The following CELF4 variants were observed in gnomAD, a reference collection of about 807,000 sequenced individuals.
CELF4 encodes the protein CUGBP Elav-like family member 4, also known as CUG-BP- and ETR-3-like factor 4.
Under a neutral mutation model 59.9 loss-of-function variants are expected in CELF4, and 18 were observed. The ratio of observed to expected loss-of-function variants is 0.30; its 90% CI spans 0.21 to 0.45. The LOEUF (loss-of-function observed/expected upper bound fraction) is 0.45. Among genes scored for constraint, CELF4 ranks in the 20% least tolerant of loss-of-function variants. CELF4 has a pLI of 1.00. For missense variants in CELF4, 456 were observed against 689.0 expected, an observed-to-expected ratio of 0.66 and a Z score of 3.79; for synonymous variants, 261 against 267.1, an observed-to-expected ratio of 0.98 and a Z score of 0.22.
chr18:37,532,572 CAGATT>C lies in CELF4; in HGVS notation c.286+32779_286+32783del, dbSNP rs762000571. Among the ~76,000 whole-genome samples the C allele has an allele frequency of 2.0e-5, 3 of 151,398 alleles. No homozygotes were observed. In the East Asian group the frequency reaches 5.9e-4, roughly 30 times the overall value. ...TATGCTTTCAGGCACCTGAGAGAAA[CAGATT>C]AGAACACTTGGGTGAGGGATTTGAC... On this transcript the variant is annotated intron_variant, in intron 1 of 12. Transcript: ENST00000420428.
intron 1 of CELF4, among the ~76,000 whole-genome samples, chr18:37,523,407 T>A (rs2099959876): frequency 6.6e-6 from 1 of 152,196 alleles, no homozygotes. Context: ...AGAAGTTCCA[T>A]CTTTCAGCAC....
intron 2 of CELF4, among the ~76,000 whole-genome samples, chr18:37,446,336 G>C (rs1395940611): frequency 6.6e-6 from 1 of 152,188 alleles, no homozygotes; most frequent in Non-Finnish European, 1.5e-5. Context: ...CCCCAGCCTG[G>C]AGGGGTCGAG....
chr18:37,308,383 C>T (rs761294101), intron 3 of CELF4, among the ~76,000 whole-genome samples: 12 of 152,216 alleles, frequency 7.9e-5, no homozygotes, highest in Middle Eastern at 3.2e-3. Context: ...GTCTCAGCAG[C>T]TTTTCAGCCT....
At chr18:37,335,583 C>T (rs368984642) in intron 2 of CELF4, among the ~76,000 whole-genome samples, 2 of 151,226 alleles carry the variant, frequency 1.3e-5, no homozygotes, top group Non-Finnish European at 2.9e-5. Context: ...GGAGTGTGGT[C>T]AGGCGTGGCC....
At chr18:37,354,814 C>T (rs531710584) in intron 2 of CELF4, among the ~76,000 whole-genome samples, 3 of 152,214 alleles carry the variant, frequency 2.0e-5, no homozygotes, top group Non-Finnish European at 4.4e-5. Flanking sequence ...AACCTGTTTG[C>T]AAAAGTTCTA....
chr18:37,428,752 G>GC (rs1233351584), intron 2 of CELF4, among the ~76,000 whole-genome samples: 1 of 152,166 alleles, frequency 6.6e-6, no homozygotes, highest in Non-Finnish European at 1.5e-5. Context: ...CTGAAGTAGG[G>GC]CCCCCATGTG....
At chr18:37,378,648 G>A (rs2099000205) in intron 2 of CELF4, among the ~76,000 whole-genome samples, 1 of 152,174 alleles carries the variant, frequency 6.6e-6, no homozygotes, top group Non-Finnish European at 1.5e-5. Flanking sequence ...AAATTAAAGG[G>A]AAAGAGCACT....
chr18:37,268,824 C>A (rs1022201577), intron 8 of CELF4, among the ~76,000 whole-genome samples: 6 of 152,196 alleles, frequency 3.9e-5, no homozygotes, highest in Non-Finnish European at 8.8e-5. Flanking sequence ...TACAGCGGGT[C>A]CAAACTCCGC....
chr18:37,361,601 G>C (rs1186412032), intron 2 of CELF4, among the ~76,000 whole-genome samples: 3 of 152,200 alleles, frequency 2.0e-5, no homozygotes, highest in African/African-American at 7.2e-5. Context: ...CAGCTCCAGG[G>C]TGTGGCCTGG....
chr18:37,405,092 A>ACC (rs113930814), intron 2 of CELF4, among the ~76,000 whole-genome samples: 2,821 of 150,898 alleles, frequency 0.019, 90 homozygotes, highest in African/African-American at 0.065. Flanking sequence ...GCAGGCCCCA[A>ACC]CCCCCCCCGT....
chr18:37,251,696 C>T (rs2065611818), intron 12 of CELF4, among the ~76,000 whole-genome samples: 1 of 152,174 alleles, frequency 6.6e-6, no homozygotes, highest in African/African-American at 2.4e-5. Context: ...ACAGAAAAAG[C>T]TGCTTTCACG....
At chr18:37,389,066 C>T (rs1251612075) in intron 2 of CELF4, among the ~76,000 whole-genome samples, 1 of 152,108 alleles carries the variant, frequency 6.6e-6, no homozygotes, top group East Asian at 1.9e-4. Flanking sequence ...ACCCCAAGTT[C>T]CTGATGGTTG....
intron 3 of CELF4, among the ~76,000 whole-genome samples, chr18:37,282,080 G>A (rs922228451): frequency 3.3e-5 from 5 of 152,168 alleles, no homozygotes; most frequent in Admixed American, 6.5e-5. Context: ...AGGCAGGTCT[G>A]GAATTAAATG....
rs367719067 is a variant in CELF4 at position 37,451,618 on chromosome 18, G to C, written c.369+33907C>G. Among the ~76,000 whole-genome samples the C allele has an allele frequency of 4.6e-5, 7 of 152,230 alleles. No homozygotes were observed. In the South Asian group the frequency reaches 1.5e-3, roughly 32 times the overall value. ...TCCACAGGACCCTCTGCTGGCATCC[G>C]AGCTGGGCCACACAGTAGCTAGCGC... On this transcript the variant is annotated intron_variant, in intron 2 of 12. Transcript: ENST00000420428.
chr18:37,544,467 T>C (rs2099979976), intron 1 of CELF4, among the ~76,000 whole-genome samples: 1 of 151,910 alleles, frequency 6.6e-6, no homozygotes, highest in Admixed American at 6.6e-5. Flanking sequence ...TGGGAAGCTG[T>C]GTGAGGTGCT....
intron 2 of CELF4, among the ~76,000 whole-genome samples, chr18:37,371,195 G>T (rs994239618): frequency 1.3e-5 from 2 of 152,226 alleles, no homozygotes; most frequent in South Asian, 4.2e-4. Context: ...GCCATCTAAG[G>T]GATGCACCAT....
At chr18:37,321,753 G>A (rs370717777) in intron 3 of CELF4, 50 bp downstream of exon 3, 15 of 1,334,976 alleles carry the variant, frequency 1.1e-5, no homozygotes, top group Non-Finnish European at 1.5e-5. Flanking sequence ...GGGAAAAGGA[G>A]GGAGGAGTGA....
At chr18:37,502,946 T>C (rs528686036) in intron 1 of CELF4, among the ~76,000 whole-genome samples, 5 of 152,306 alleles carry the variant, frequency 3.3e-5, no homozygotes, top group African/African-American at 1.2e-4. Flanking sequence ...GCCTTTGCAT[T>C]AGCTGCCCAA....
chr18:37,539,690 A>C (rs1351050651), intron 1 of CELF4, among the ~76,000 whole-genome samples: 1 of 152,206 alleles, frequency 6.6e-6, no homozygotes, highest in South Asian at 2.1e-4. Context: ...AAAATGTGCT[A>C]TGTAGACAGC....
Sources: allele counts gnomAD v4.1 joint callset (sites outside exome capture counted in the v4.1 genomes callset), GRCh38; gene constraint gnomAD v4.1.1; transcripts MANE v1.5; gene names NCBI Gene and HGNC (gene_info 2026-07-23, HGNC 2026-07-21).